The following DNAI7 variants were observed in gnomAD, a reference collection of about 807,000 sequenced individuals.
DNAI7 encodes the protein dynein axonemal intermediate chain 7.
Under a neutral mutation model 86.6 loss-of-function variants are expected in DNAI7, and 78 were observed. The observed-to-expected ratio is 0.90, with a 90% CI of 0.75 to 1.09. The LOEUF is 1.09. DNAI7 is among the 50% of genes least tolerant of loss of function. DNAI7 has a pLI of 0.00. For synonymous variants in DNAI7, 274 were observed against 273.0 expected, an observed-to-expected ratio of 1.00 and a Z score of -0.04; for missense variants, 753 against 810.2, an observed-to-expected ratio of 0.93 and a Z score of 0.86.
chr12:25,193,844 C>T (rs775499756), intron 1 of DNAI7, among the ~76,000 whole-genome samples: 1 of 148,750 alleles, frequency 6.7e-6, no homozygotes, highest in South Asian at 2.1e-4. Flanking sequence ...TTTTTTGAGA[C>T]GGAGTCTCGC....
chr12:25,121,161 A>G (rs1276152472), intron 11 of DNAI7, among the ~76,000 whole-genome samples: 1 of 152,184 alleles, frequency 6.6e-6, no homozygotes, highest in Non-Finnish European at 1.5e-5. Flanking sequence ...GGGGCTCATT[A>G]ATTTGCATTT....
At chr12:25,154,555 C>A (rs1005299517) in intron 5 of DNAI7, 99 bp from the exon 6 acceptor site, 4 of 1,207,424 alleles carry the variant, frequency 3.3e-6, no homozygotes, top group African/African-American at 3.1e-5. Flanking sequence ...CCTAGTTTAA[C>A]CAACTTAGAT....
chr12:25,159,917 CT>C (rs1430939801), intron 3 of DNAI7, among the ~76,000 whole-genome samples: 1 of 152,060 alleles, frequency 6.6e-6, no homozygotes, highest in Non-Finnish European at 1.5e-5. Flanking sequence ...TTAATAAACA[CT>C]TTTATCAATG....
intron 11 of DNAI7, among the ~76,000 whole-genome samples, chr12:25,120,833 T>C (rs10505960): frequency 0.39 from 59,823 of 152,204 alleles, 13,786 homozygotes; most frequent in East Asian, 0.78. Flanking sequence ...CTAACAACTA[T>C]TATCACCAAA....
chr12:25,117,225 C>T lies in DNAI7; in HGVS notation c.1396+1920G>A, dbSNP rs111306405. 7.6e-4 allele frequency among the ~76,000 whole-genome samples: 115 copies of T among 152,278 alleles called. No homozygotes were observed. In the East Asian group the frequency reaches 7.9e-3, roughly 10 times the overall value. On this transcript the variant is annotated intron_variant, in intron 12 of 15. Coordinates refer to ENST00000395987, the MANE Select transcript of DNAI7 (RefSeq NM_018272.5). ...CTGGGATTACAGGCATGAGCCACTG[C>T]GACCGGCCTACTGTTTTTAATACAT... is the stretch of plus-strand genomic sequence containing the variant.
At chr12:25,186,652 A>C (rs1474407529) in intron 2 of DNAI7, among the ~76,000 whole-genome samples, 1 of 152,150 alleles carries the variant, frequency 6.6e-6, no homozygotes, top group Non-Finnish European at 1.5e-5. Context: ...CAATGTTTCG[A>C]ATTGTCTAAA....
chr12:25,172,368 T>TA (rs1948235871), intron 2 of DNAI7, among the ~76,000 whole-genome samples: 1 of 151,888 alleles, frequency 6.6e-6, no homozygotes, highest in African/African-American at 2.4e-5. Flanking sequence ...AAAAATAAAA[T>TA]AAAATACTTA....
chr12:25,142,750 T>A (rs1944359237), intron 9 of DNAI7, among the ~76,000 whole-genome samples: 1 of 152,190 alleles, frequency 6.6e-6, no homozygotes, highest in African/African-American at 2.4e-5. Flanking sequence ...TTATTTTAGG[T>A]TAATGGGGTT....
At chr12:25,134,120 T>C (rs1943251967) in intron 9 of DNAI7, among the ~76,000 whole-genome samples, 1 of 152,008 alleles carries the variant, frequency 6.6e-6, no homozygotes. Flanking sequence ...TCAGGGTTCC[T>C]AGTAACTTGA....
chr12:25,108,927 G>C (rs1949518286), intron 15 of DNAI7, 104 bp from the exon 16 acceptor site: 1 of 704,394 alleles, frequency 1.4e-6, no homozygotes, highest in Non-Finnish European at 2.2e-6. Flanking sequence ...CCCCAAAATT[G>C]CAAAGGTTAA....
At chr12:25,113,591 C>T (rs1016481649) in intron 13 of DNAI7, among the ~76,000 whole-genome samples, 2 of 152,166 alleles carry the variant, frequency 1.3e-5, no homozygotes, top group African/African-American at 4.8e-5. Context: ...TGAGCCACCG[C>T]TCCCAGCCCT....
chr12:25,194,025 T>A (rs1011235627), intron 1 of DNAI7, among the ~76,000 whole-genome samples: 2 of 152,152 alleles, frequency 1.3e-5, no homozygotes, highest in African/African-American at 4.8e-5. Context: ...TTTCACCATG[T>A]TGACCAGGCT....
At chr12:25,142,807 C>G (rs971408564) in intron 9 of DNAI7, among the ~76,000 whole-genome samples, 18 of 152,116 alleles carry the variant, frequency 1.2e-4, no homozygotes, top group African/African-American at 4.3e-4. Flanking sequence ...AGTCCAAGAC[C>G]TATTTACCCA....
rs746485034 is a variant in DNAI7 at position 25,147,482 on chromosome 12, C to CCCCA, written c.586-379_586-378insTGGG. ...GCCTGGGCAACATAATGAGACCACC[C>CCCCA]CCATCTCTACAAAAAATTAGCTGGG... On this transcript the variant is annotated intron_variant, in intron 7 of 15. Coordinates refer to ENST00000395987, the MANE Select transcript of DNAI7 (RefSeq NM_018272.5). Among the ~76,000 whole-genome samples the CCCCA allele has an allele frequency of 8.6e-5, 13 of 150,640 alleles. No homozygotes were observed. The South Asian group carries it at 1.1e-3, about 13-fold the overall frequency.
intron 9 of DNAI7, among the ~76,000 whole-genome samples, chr12:25,137,854 T>C (rs1205699036): frequency 1.3e-5 from 2 of 152,110 alleles, no homozygotes; most frequent in African/African-American, 4.8e-5. Context: ...CATTCCTAAA[T>C]ATATATGCAC....
intron 2 of DNAI7, among the ~76,000 whole-genome samples, chr12:25,183,505 A>G (rs1057139786): frequency 2.6e-5 from 4 of 152,136 alleles, no homozygotes; most frequent in Non-Finnish European, 5.9e-5. Context: ...TGTGTCTAAT[A>G]TTAATACAGC....
intron 2 of DNAI7, among the ~76,000 whole-genome samples, chr12:25,173,842 AT>A (rs1948417377): frequency 2.0e-5 from 3 of 147,646 alleles, no homozygotes; most frequent in African/African-American, 7.5e-5. Context: ...CACATCATAT[AT>A]ATATACATCA....
intron 13 of DNAI7, among the ~76,000 whole-genome samples, 167 bp downstream of exon 13, chr12:25,114,489 T>C (rs1446427409): frequency 6.6e-6 from 1 of 152,230 alleles, no homozygotes; most frequent in Non-Finnish European, 1.5e-5. Flanking sequence ...ATTCAACTAA[T>C]ATTTCATTTA....
chr12:25,111,750 AT>A (rs1938868248), intron 14 of DNAI7, 21 bp downstream of exon 14: 1 of 1,500,752 alleles, frequency 6.7e-7, no homozygotes, highest in South Asian at 1.3e-5. Context: ...GCCACATTAA[AT>A]TTGGAAAGAT....
Sources: gnomAD v4.1 joint callset for allele counts (sites outside exome capture counted in the v4.1 genomes callset) on GRCh38, gnomAD v4.1.1 for gene constraint, MANE v1.5 for transcripts, NCBI Gene and HGNC (gene_info 2026-07-23, HGNC 2026-07-21) for gene names.